The following MRFAP1 variants were observed in gnomAD, a reference collection of about 807,000 sequenced individuals.
MRFAP1 encodes the protein MORF4 family-associated protein 1.
A neutral mutation model predicts 9.3 loss-of-function variants in MRFAP1; 1 was observed. The ratio of observed to expected loss-of-function variants is 0.11; its 90% CI spans 0.04 to 0.51. The LOEUF (loss-of-function observed/expected upper bound fraction) is 0.51. MRFAP1 is among the 20% of genes least tolerant of loss of function. MRFAP1 has a pLI of 0.94. For missense variants in MRFAP1, 180 were observed against 178.6 expected, an observed-to-expected ratio of 1.01 and a Z score of -0.04; for synonymous variants, 101 against 80.3, an observed-to-expected ratio of 1.26 and a Z score of -1.38.
Position 6,640,892 on chromosome 4 carries a change from G to T in MRFAP1, c.30G>T (p.Ala10=). The T allele has an allele frequency of 6.2e-7, 1 of 1,611,516 alleles. No individual in the cohort carries two copies. The highest frequency in any genetic ancestry group is 2.2e-5 in the East Asian group (1 of 44,804). MRPLDIVEL[A]EPEEVEVLEP... is the part of the protein sequence containing the mutation. ...GGCCCCTGGACATCGTCGAGCTGGC[G>T]GAACCGGAGGAAGTGGAGGTGCTGG... Residue 10 remains alanine, a synonymous_variant, in exon 1 of 2, where the codon GCG becomes GCT. Transcript: ENST00000382581.
Position 6,641,240 on chromosome 4 carries a change from G to C in MRFAP1, c.378G>C (p.Ser126=). Residue 126 remains serine (S), a synonymous_variant, in exon 1 of 2, where the codon TCG becomes TCC. Transcript: ENST00000382581. ...ELVRRIEKSE[S]S The stretch of plus-strand genomic sequence containing the variant: ...TCCGGCGGATAGAGAAGAGCGAGTC[G>C]TCGTGAGCGCGGTCGGCGGTAAGTC... The C allele has an allele frequency of 6.4e-7, 1 of 1,570,344 alleles. No individual in the cohort carries two copies. Among genetic ancestry groups the C allele is most frequent in the Non-Finnish European group, 8.7e-7 (1 of 1,153,228 alleles).
chr4:6,641,594 C>T, intron 1 of MRFAP1, 136 bp from the exon 2 acceptor site: 1 of 245,510 alleles, frequency 4.1e-6, no homozygotes, highest in South Asian at 6.7e-5. Flanking sequence ...GACAAGTCAA[C>T]GTTGCTAGAG....
Position 6,640,919 on chromosome 4 carries a change from G to T in MRFAP1, c.57G>T (p.Glu19Asp). 1 of 1,613,736 alleles carries T rather than the reference G, an allele frequency of 6.2e-7. No individual in the cohort carries two copies. The highest frequency in any genetic ancestry group is 8.5e-7 in the Non-Finnish European group (1 of 1,179,650). Reference protein sequence around the residue: ...LAEPEEVEVLEPEEDFEQFLL... With the variant: ...LAEPEEVEVLDPEEDFEQFLL... The stretch of plus-strand genomic sequence containing the variant: ...AACCGGAGGAAGTGGAGGTGCTGGA[G>T]CCCGAGGAGGATTTCGAGCAGTTTC... The change falls in exon 1 of 2, where the codon GAG (glutamate) becomes GAT (aspartate). Residue 19 changes from glutamate (E) to aspartate (D), a missense_variant. By Grantham distance (45) the Glu-to-Asp change is conservative. Transcript: ENST00000382581.
At chr4:6,641,478 T>A in intron 1 of MRFAP1, 1 of 532,292 alleles carries the variant, frequency 1.9e-6, no homozygotes, top group Non-Finnish European at 3.2e-6. Flanking sequence ...GCGTGTTCAG[T>A]GGAAGGGTCA....
In MRFAP1 at chr4:6,641,037, G is replaced by A. The variant is rs1479925763; in HGVS notation, c.175G>A (p.Glu59Lys). Residue 59 changes from glutamate to lysine, a missense_variant, in exon 1 of 2, where the codon GAG becomes AAG. Physicochemically the swap from Glu to Lys is moderately conservative, Grantham distance 56. Transcript: ENST00000382581. ...AYLRNRSKLW[E>K]MDNMLIQIKT... Reference sequence around the variant, plus strand: ...CCTGCGGAACCGGAGCAAGCTGTGGGAGATGGACAATATGCTCATCCAGAT... The same window carrying A: ...CCTGCGGAACCGGAGCAAGCTGTGGAAGATGGACAATATGCTCATCCAGAT... The A allele has an allele frequency of 2.5e-6, 4 of 1,614,240 alleles. No homozygotes were observed. The highest frequency in any genetic ancestry group is 3.4e-6 in the Non-Finnish European group (4 of 1,180,024).
Position 6,641,116 on chromosome 4 carries a change from C to G in MRFAP1, c.254C>G (p.Pro85Arg). The G allele has an allele frequency of 6.2e-7, 1 of 1,614,190 alleles. No individual in the cohort carries two copies. Among genetic ancestry groups the G allele is most frequent in the Non-Finnish European group, 8.5e-7 (1 of 1,180,034 alleles). Residue 85 changes from proline (P) to arginine (R), a missense_variant, in exon 1 of 2, where the codon CCG becomes CGG. By Grantham distance (103) the Pro-to-Arg change is moderately radical. Transcript: ENST00000382581. The part of the protein sequence containing the change: ...EESALNHLQN[P>R]GDAAEGRAAK... ...AGCGCCCTCAACCACCTCCAGAACC[C>G]GGGCGACGCGGCCGAGGGCCGGGCG...
At chr4:6,641,399 C>G in intron 1 of MRFAP1, 141 bp downstream of exon 1, 2 of 1,089,670 alleles carry the variant, frequency 1.8e-6, no homozygotes, top group Middle Eastern at 3.1e-4. Flanking sequence ...GATCTGGGCC[C>G]CGTCTTCGTG....
In MRFAP1 at chr4:6,641,001, G is replaced by A; in HGVS notation, c.139G>A (p.Gly47Arg). 6.2e-7 allele frequency: 1 copy of A among 1,614,232 alleles called. No homozygotes were observed. Among genetic ancestry groups the A allele is most frequent in the East Asian group, 2.2e-5 (1 of 44,878 alleles). ...CATCGCGTCGCTGACGCGCGAGCACGGGCGGGCGTACCTGCGGAACCGGAG... is the reference window on the plus strand; with the variant it reads ...CATCGCGTCGCTGACGCGCGAGCACAGGCGGGCGTACCTGCGGAACCGGAG... ...EDIASLTREH[G>R]RAYLRNRSKL... The change falls in exon 1 of 2, where the codon GGG becomes AGG. Residue 47 changes from glycine (G) to arginine (R), a missense_variant. Coordinates refer to ENST00000382581, the MANE Select transcript of MRFAP1 (RefSeq NM_033296.3).
rs917983218 is a variant in MRFAP1, at chr4:6,642,062, T to G, written c.*345T>G. ...CTTTGCTATTTCTTGTGTGACCTGA[T>G]AGCTCCCTGGAACTTTGGGTCTGTG... On this transcript the variant is annotated 3_prime_UTR_variant, in exon 2 of 2. Coordinates refer to ENST00000382581, the MANE Select transcript of MRFAP1 (RefSeq NM_033296.3). The G allele has an allele frequency of 6.5e-6, 1 of 152,684 alleles. No homozygotes were observed. Among genetic ancestry groups the G allele is most frequent in the African/African-American group, 2.4e-5 (1 of 41,464 alleles). The allele number at this position is 152,684 out of a possible 1,614,324, so 9.5% of individuals were successfully genotyped here. A position where few individuals can be genotyped will look rare whatever the true frequency, so the allele number is the denominator to read the frequency against.
Position 6,641,080 on chromosome 4 carries a change from C to T in MRFAP1, c.218C>T (p.Ala73Val), listed in dbSNP as rs1712802516. 1.2e-6 allele frequency: 2 copies of T among 1,614,078 alleles called. No homozygotes were observed. The highest frequency in any genetic ancestry group is 3.3e-5 in the Admixed American group (2 of 60,012). Residue 73 changes from alanine to valine, a missense_variant, in exon 1 of 2, where the codon GCC becomes GTC. Transcript: ENST00000382581. ...ATCCAGATCAAAACGCAGGTGGAGG[C>T]CTCGGAGGAGAGCGCCCTCAACCAC... is the stretch of plus-strand genomic sequence containing the variant. ...MLIQIKTQVE[A>V]SEESALNHLQ...
At chr4:6,641,318 C>G in intron 1 of MRFAP1, 60 bp downstream of exon 1, 1 of 1,511,678 alleles carries the variant, frequency 6.6e-7, no homozygotes. Context: ...TCTTCGAGAG[C>G]GATGATTTCA....
rs1160534700 is a variant in MRFAP1, at chr4:6,640,900, A to C, written c.38A>C (p.Glu13Ala). 3 of 1,612,232 alleles carry C rather than the reference A, an allele frequency of 1.9e-6. No homozygotes were observed. The South Asian group carries it at 3.3e-5, about 18-fold the overall frequency. The change falls in exon 1 of 2, where the codon GAG becomes GCG. Residue 13 changes from glutamate (E) to alanine (A), a missense_variant. Physicochemically the swap from Glu to Ala is moderately radical, Grantham distance 107. Transcript: ENST00000382581. ...GACATCGTCGAGCTGGCGGAACCGG[A>C]GGAAGTGGAGGTGCTGGAGCCCGAG... The part of the protein sequence containing the change: ...PLDIVELAEP[E>A]EVEVLEPEED...
In MRFAP1 at chr4:6,640,852, A is replaced by C. The variant is rs1712786597; in HGVS notation, c.-11A>C. 1 of 1,597,992 alleles carries C rather than the reference A, an allele frequency of 6.3e-7. No homozygotes were observed. ...GACATCGCTATTGCGGTTCCGAGGC[A>C]GTGGGAAGAGATGCGGCCCCTGGAC... On this transcript the variant is annotated 5_prime_UTR_variant, in exon 1 of 2. Transcript: ENST00000382581.
At chr4:6,641,535 C>T in intron 1 of MRFAP1, 195 bp from the exon 2 acceptor site, 1 of 382,956 alleles carries the variant, frequency 2.6e-6, no homozygotes, top group Non-Finnish European at 4.7e-6. Flanking sequence ...AGGTCCCGGG[C>T]CGTCCAGCAA....
chr4:6,641,137 G>T lies in MRFAP1; in HGVS notation c.275G>T (p.Arg92Leu), dbSNP rs751629143. 6.2e-7 allele frequency: 1 copy of T among 1,614,168 alleles called. No individual in the cohort carries two copies. The highest frequency in any genetic ancestry group is 8.5e-7 in the Non-Finnish European group (1 of 1,180,018). ...AACCCGGGCGACGCGGCCGAGGGCC[G>T]GGCGGCCAAGAGGTGCGAGAAGGCC... Reference protein sequence around the residue: ...LQNPGDAAEGRAAKRCEKAEE... With the variant: ...LQNPGDAAEGLAAKRCEKAEE... The change falls in exon 1 of 2, where the codon CGG (arginine) becomes CTG (leucine). Residue 92 changes from arginine to leucine, a missense_variant. Coordinates refer to ENST00000382581, the MANE Select transcript of MRFAP1 (RefSeq NM_033296.3).
At position 6,640,829 on chromosome 4, in the gene MRFAP1, C is replaced by T. The variant is rs1004838283; in HGVS notation, c.-34C>T. ...GTGTCGGTTTTCTCTCTCCAACAGA[C>T]ATCGCTATTGCGGTTCCGAGGCAGT... On this transcript the variant is annotated 5_prime_UTR_variant, in exon 1 of 2. Transcript: ENST00000382581. The T allele has an allele frequency of 1.9e-6, 3 of 1,579,172 alleles. No individual in the cohort carries two copies. Among genetic ancestry groups the T allele is most frequent in the Middle Eastern group, 1.7e-4 (1 of 5,926 alleles).
In MRFAP1 at chr4:6,641,223, A is replaced by C; in HGVS notation, c.361A>C (p.Ile121Leu). 1 of 1,593,062 alleles carries C rather than the reference A, an allele frequency of 6.3e-7. No individual in the cohort carries two copies. Among genetic ancestry groups the C allele is most frequent in the Non-Finnish European group, 8.6e-7 (1 of 1,166,012 alleles). The change falls in exon 1 of 2, where the codon ATA becomes CTA. Residue 121 changes from isoleucine to leucine, a missense_variant. Physicochemically the swap from Ile to Leu is conservative, Grantham distance 5. Transcript: ENST00000382581. ...AEMLVELVRR[I>L]EKSESS ...GATGCTGGTGGAGCTGGTCCGGCGG[A>C]TAGAGAAGAGCGAGTCGTCGTGAGC...
At position 6,641,820 on chromosome 4, in the gene MRFAP1, T is replaced by C. The variant is rs942019055; in HGVS notation, c.*103T>C. 1 of 153,066 alleles carries C rather than the reference T, an allele frequency of 6.5e-6. No homozygotes were observed. The highest frequency in any genetic ancestry group is 2.4e-5 in the African/African-American group (1 of 41,572). The allele number at this position is 153,066 out of a possible 1,614,324, so 9.5% of individuals were successfully genotyped here. The stretch of plus-strand genomic sequence containing the variant: ...AGAGAGCCTTTTGTTTTCTCTTTTT[T>C]CCTGTCTATGCTCTGTCTCACTTAA... On this transcript the variant is annotated 3_prime_UTR_variant, in exon 2 of 2. Coordinates refer to ENST00000382581, the MANE Select transcript of MRFAP1 (RefSeq NM_033296.3).
chr4:6,641,502 C>T (rs1477899160), intron 1 of MRFAP1: 1 of 455,974 alleles, frequency 2.2e-6, no homozygotes, highest in Non-Finnish European at 3.8e-6. Flanking sequence ...ATCTCAGAGT[C>T]GCCAAGGAAA....
Sources: gnomAD v4.1 joint callset for allele counts on GRCh38, gnomAD v4.1.1 for gene constraint, MANE v1.5 for transcripts, NCBI Gene and HGNC (gene_info 2026-07-23, HGNC 2026-07-21) for gene names.